The following ADAMTSL1 variants were observed in gnomAD, a reference collection of about 807,000 sequenced individuals.
ADAMTSL1 encodes ADAMTS-like protein 1.
ADAMTSL1 carries 126 observed loss-of-function variants against 201.8 expected under a neutral mutation model. The observed-to-expected ratio is 0.62, with a 90% confidence interval of 0.54 to 0.72. ADAMTSL1 has a LOEUF of 0.72. Among genes scored for constraint, ADAMTSL1 ranks in the 30% least tolerant of loss-of-function variants. The pLI, the probability that ADAMTSL1 is intolerant of heterozygous loss-of-function variation, is 0.00. For synonymous variants in ADAMTSL1, 1,121 were observed against 903.4 expected (o/e 1.24, Z -4.32); for missense variants, 2,679 against 2,277.8 (o/e 1.18, Z -3.59).
At chr9:18,001,417 C>G (rs1321305923) in intron 1 of ADAMTSL1, among the ~76,000 whole-genome samples, 1 of 152,084 alleles carries the variant, frequency 6.6e-6, no homozygotes, top group Non-Finnish European at 1.5e-5. Context: ...GGAGACAGTA[C>G]CTGTCCTCAA....
intron 2 of ADAMTSL1, among the ~76,000 whole-genome samples, chr9:18,442,976 G>A (rs1318301544): frequency 6.6e-6 from 1 of 152,224 alleles, no homozygotes; most frequent in Middle Eastern, 3.2e-3. Context: ...TTCCATGCCA[G>A]CCCCTCCCTA....
intron 20 of ADAMTSL1, among the ~76,000 whole-genome samples, chr9:18,795,843 A>T (rs1316702288): frequency 3.3e-5 from 5 of 152,240 alleles, no homozygotes; most frequent in Non-Finnish European, 7.3e-5. Flanking sequence ...AATCAGTAGC[A>T]TGTTGGAACA....
chr9:17,979,111 C>T (rs1025411008), intron 1 of ADAMTSL1, among the ~76,000 whole-genome samples: 3 of 151,992 alleles, frequency 2.0e-5, no homozygotes, highest in Non-Finnish European at 2.9e-5. Context: ...AATTTCCCTC[C>T]GATTTTGACA....
At chr9:18,567,061 A>G (rs1409710318) in intron 3 of ADAMTSL1, among the ~76,000 whole-genome samples, 1 of 152,166 alleles carries the variant, frequency 6.6e-6, no homozygotes, top group Non-Finnish European at 1.5e-5. Context: ...GCCTCACCCC[A>G]GGTCTACTGA....
At chr9:17,956,177 T>C (rs1392972281) in intron 1 of ADAMTSL1, among the ~76,000 whole-genome samples, 1 of 152,170 alleles carries the variant, frequency 6.6e-6, no homozygotes. Flanking sequence ...TCTTACCTTG[T>C]AGTGCTTTTT....
intron 1 of ADAMTSL1, among the ~76,000 whole-genome samples, chr9:18,084,804 A>G (rs1166172862): frequency 6.6e-6 from 1 of 151,696 alleles, no homozygotes; most frequent in Non-Finnish European, 1.5e-5. Flanking sequence ...AAATCCTTAC[A>G]ATCATGCAAC....
intron 1 of ADAMTSL1, among the ~76,000 whole-genome samples, chr9:18,024,246 A>G: frequency 6.6e-6 from 1 of 152,156 alleles, no homozygotes; most frequent in East Asian, 1.9e-4. Context: ...ATAGTGTTTT[A>G]TTTATTTATT....
chr9:18,329,380 G>A (rs562222100), intron 2 of ADAMTSL1, among the ~76,000 whole-genome samples: 20 of 152,250 alleles, frequency 1.3e-4, no homozygotes, highest in Admixed American at 9.2e-4. Flanking sequence ...TTAAGTTCAC[G>A]AAGAGAAATC....
chr9:18,609,045 GA>G (rs1346718909), intron 4 of ADAMTSL1, among the ~76,000 whole-genome samples: 2 of 152,202 alleles, frequency 1.3e-5, no homozygotes, highest in East Asian at 3.9e-4. Flanking sequence ...CTCCAAAGGA[GA>G]AAAAAGGAGA....
rs1324213606 is a variant in ADAMTSL1 at position 17,983,063 on chromosome 9, TC to T, written c.87+76142del. Among the ~76,000 whole-genome samples the T allele has an allele frequency of 6.2e-4, 48 of 77,138 alleles. No homozygotes were observed. The East Asian group carries it at 8.2e-3, about 13-fold the overall frequency. 50.6% of individuals were successfully genotyped at this position (77,138 alleles called of 152,430 possible). A position where few individuals can be genotyped will look rare whatever the true frequency, so the allele number is the denominator to read the frequency against. ...TTTTTCATTTTCTTTTTCTTTTCTT[TC>T]TTTCTTTCTTTCTTTTTTTTTTTTG... On this transcript the variant is annotated intron_variant, in intron 1 of 29. Transcript: ENST00000680146.
chr9:18,150,660 G>C (rs1426888689), intron 1 of ADAMTSL1, among the ~76,000 whole-genome samples: 1 of 151,914 alleles, frequency 6.6e-6, no homozygotes, highest in Admixed American at 6.6e-5. Flanking sequence ...GAAGAGATGA[G>C]CATAGAGAAA....
intron 2 of ADAMTSL1, among the ~76,000 whole-genome samples, chr9:18,396,204 T>A (rs931660484): frequency 6.6e-6 from 1 of 152,146 alleles, no homozygotes; most frequent in South Asian, 2.1e-4. Flanking sequence ...ACAGTCCCAG[T>A]TGATGATAAG....
intron 14 of ADAMTSL1, among the ~76,000 whole-genome samples, chr9:18,714,953 T>G (rs1379558685): frequency 9.4e-4 from 128 of 135,926 alleles, no homozygotes; most frequent in African/African-American, 1.1e-3. Context: ...TATATGCAAA[T>G]CAATAAATGT....
intron 2 of ADAMTSL1, among the ~76,000 whole-genome samples, chr9:18,390,602 AATC>A (rs1838003934): frequency 6.6e-6 from 1 of 152,204 alleles, no homozygotes; most frequent in South Asian, 2.1e-4. Flanking sequence ...CACATGCTGT[AATC>A]ATCAGCTGTG....
intron 2 of ADAMTSL1, among the ~76,000 whole-genome samples, chr9:18,331,213 A>G (rs1466265696): frequency 2.0e-5 from 3 of 152,212 alleles, no homozygotes. Flanking sequence ...AGAGTGAGAC[A>G]GGATGCTAAG....
chr9:18,194,874 C>A (rs1431481146), intron 2 of ADAMTSL1, among the ~76,000 whole-genome samples: 1 of 152,040 alleles, frequency 6.6e-6, no homozygotes, highest in African/African-American at 2.4e-5. Flanking sequence ...TGTGACTATC[C>A]TTTGATTAAG....
chr9:18,757,247 T>C (rs893621134), intron 16 of ADAMTSL1, among the ~76,000 whole-genome samples: 2 of 152,350 alleles, frequency 1.3e-5, no homozygotes, highest in Non-Finnish European at 1.5e-5. Flanking sequence ...ACTTATTTTA[T>C]GTGCATGTAG....
At chr9:18,633,298 AG>A (rs1434684175) in intron 5 of ADAMTSL1, among the ~76,000 whole-genome samples, 2 of 152,192 alleles carry the variant, frequency 1.3e-5, no homozygotes, top group Non-Finnish European at 2.9e-5. Context: ...AAAGCTCTGT[AG>A]GCCCAGTCTC....
At chr9:18,732,568 G>A (rs1168854462) in intron 15 of ADAMTSL1, among the ~76,000 whole-genome samples, 3 of 152,304 alleles carry the variant, frequency 2.0e-5, no homozygotes, top group South Asian at 2.1e-4. Flanking sequence ...ATCCTGAAAT[G>A]AGCCGCTGTG....
Sources: allele counts gnomAD v4.1 joint callset (sites outside exome capture counted in the v4.1 genomes callset), GRCh38; gene constraint gnomAD v4.1.1; transcripts MANE v1.5; gene names NCBI Gene and HGNC (gene_info 2026-07-23, HGNC 2026-07-21).